The following TESK2 variants were observed in gnomAD, a reference collection of about 807,000 sequenced individuals.
The protein encoded by TESK2 is dual specificity testis-specific protein kinase 2.
Under a neutral mutation model 57.1 loss-of-function variants are expected in TESK2, and 39 were observed. The observed-to-expected ratio is 0.68, with a 90% CI of 0.53 to 0.89. The LOEUF (loss-of-function observed/expected upper bound fraction) is 0.89, where lower values mean the gene tolerates loss of function less well. Among genes scored for constraint, TESK2 ranks in the 40% least tolerant of loss-of-function variants. TESK2 has a pLI of 0.00. For synonymous variants in TESK2, 249 were observed against 267.9 expected (o/e 0.93, Z 0.69); for missense variants, 646 against 732.1 (o/e 0.88, Z 1.36).
intron 1 of TESK2, among the ~76,000 whole-genome samples, chr1:45,475,978 C>T (rs545272553): frequency 6.6e-6 from 1 of 152,318 alleles, no homozygotes; most frequent in African/African-American, 2.4e-5. Context: ...AGCTTCCCTA[C>T]TTTTTGAGGT....
In TESK2 at chr1:45,421,777, T is replaced by C. The variant is rs1282418076; in HGVS notation, c.292A>G (p.Met98Val). The change falls in exon 3 of 11, where the codon ATG (methionine) becomes GTG (valine). Residue 98 changes from methionine (M) to valine (V), a missense_variant. Transcript: ENST00000372086. Reference sequence around the variant, plus strand: ...TTCATGAGCTGTACTTCTTTCAGCATGTTTGCCCGGTTACTGCTCAATGTG... The same window carrying C: ...TTCATGAGCTGTACTTCTTTCAGCACGTTTGCCCGGTTACTGCTCAATGTG... ...MNTLSSNRAN[M>V]LKEVQLMNRL... 21 of 1,614,142 alleles carry C rather than the reference T, an allele frequency of 1.3e-5. No individual in the cohort carries two copies. The Middle Eastern group carries it at 4.9e-4, about 38-fold the overall frequency.
At chr1:45,413,066 G>A (rs1055215653) in intron 3 of TESK2, among the ~76,000 whole-genome samples, 5 of 152,190 alleles carry the variant, frequency 3.3e-5, no homozygotes, top group African/African-American at 1.2e-4. Context: ...GAGTGGAAGT[G>A]AGTGGGGCAT....
intron 4 of TESK2, among the ~76,000 whole-genome samples, chr1:45,374,012 T>C (rs1406721722): frequency 6.6e-6 from 1 of 152,166 alleles, no homozygotes; most frequent in Non-Finnish European, 1.5e-5. Flanking sequence ...CAAAAAGAAC[T>C]CTGTGAATTC....
intron 2 of TESK2, among the ~76,000 whole-genome samples, chr1:45,430,568 T>A (rs186570874): frequency 1.7e-3 from 252 of 152,324 alleles, no homozygotes; most frequent in Non-Finnish European, 2.7e-3. Flanking sequence ...TTGCCTTTGA[T>A]CTCTCTGATC....
chr1:45,484,280 TG>T, intron 1 of TESK2, among the ~76,000 whole-genome samples: 1 of 151,888 alleles, frequency 6.6e-6, no homozygotes, highest in East Asian at 2.0e-4. Context: ...GGCTAATTTT[TG>T]TATTTTTAGT....
At chr1:45,433,332 G>A (rs1651060913) in intron 2 of TESK2, among the ~76,000 whole-genome samples, 2 of 151,896 alleles carry the variant, frequency 1.3e-5, no homozygotes, top group African/African-American at 4.8e-5. Context: ...GCCCTCCTTG[G>A]CCTCCCAAAG....
chr1:45,446,755 T>C (rs1477929328), intron 2 of TESK2, among the ~76,000 whole-genome samples: 1 of 152,186 alleles, frequency 6.6e-6, no homozygotes, highest in Non-Finnish European at 1.5e-5. Context: ...TTGGCAAATA[T>C]ACAAAGTCAA....
intron 3 of TESK2, among the ~76,000 whole-genome samples, chr1:45,391,743 TTC>T (rs1649155328): frequency 6.6e-6 from 1 of 152,106 alleles, no homozygotes; most frequent in Non-Finnish European, 1.5e-5. Flanking sequence ...CATTAATCTC[TTC>T]TCTCTCTCTT....
At position 45,355,414 on chromosome 1, in the gene TESK2, G is replaced by C; in HGVS notation, c.429C>G (p.Asp143Glu). Residue 143 changes from aspartate to glutamate, a missense_variant, in exon 5 of 11, where the codon GAC (aspartate) becomes GAG (glutamate). Physicochemically the swap from Asp to Glu is conservative, Grantham distance 45. Coordinates refer to ENST00000372086, the MANE Select transcript of TESK2 (RefSeq NM_007170.3). ...INSGNLEQLL[D>E]SNLHLPWTVR... The stretch of plus-strand genomic sequence containing the variant: ...CAGTCCAAGGCAAATGCAGGTTACT[G>C]TCTAGCAACTGTTCCAGGTTCCCGG... 4 of 1,612,696 alleles carry C rather than the reference G, an allele frequency of 2.5e-6. No homozygotes were observed. The highest frequency in any genetic ancestry group is 3.4e-6 in the Non-Finnish European group (4 of 1,179,612).
At chr1:45,398,554 T>A (rs1369501659) in intron 3 of TESK2, among the ~76,000 whole-genome samples, 1 of 151,770 alleles carries the variant, frequency 6.6e-6, no homozygotes, top group Non-Finnish European at 1.5e-5. Flanking sequence ...TTCAAAAAAA[T>A]AATAATAAAA....
At chr1:45,440,955 G>C (rs1052509228) in intron 2 of TESK2, among the ~76,000 whole-genome samples, 1 of 152,126 alleles carries the variant, frequency 6.6e-6, no homozygotes, top group Non-Finnish European at 1.5e-5. Flanking sequence ...ACCACATAAA[G>C]TTAGTAGCAG....
In TESK2 at chr1:45,420,545, T is replaced by C. The variant is rs1650428816; in HGVS notation, c.344+1180A>G. 4.0e-5 allele frequency among the ~76,000 whole-genome samples: 6 copies of C among 150,264 alleles called. No homozygotes were observed. The South Asian group carries it at 1.3e-3, about 32-fold the overall frequency. On this transcript the variant is annotated intron_variant, in intron 3 of 10. Transcript: ENST00000372086. ...GTACTGAGATTACAGGCATGAGCCA[T>C]CATGCCTGGCCAAATAAAATTTTTT...
chr1:45,449,972 C>T (rs963165724), intron 2 of TESK2, among the ~76,000 whole-genome samples: 4 of 152,002 alleles, frequency 2.6e-5, no homozygotes, highest in Admixed American at 1.3e-4. Context: ...TGGAATAAAA[C>T]AGAAAATCCA....
At chr1:45,379,083 C>CA (rs1648547248) in intron 4 of TESK2, among the ~76,000 whole-genome samples, 1 of 152,076 alleles carries the variant, frequency 6.6e-6, no homozygotes. Context: ...CTGAAACACA[C>CA]AAAAAAATAA....
At chr1:45,483,450 T>C (rs1653318125) in intron 1 of TESK2, among the ~76,000 whole-genome samples, 1 of 151,202 alleles carries the variant, frequency 6.6e-6, no homozygotes, top group Non-Finnish European at 1.5e-5. Flanking sequence ...ACAAAAAAAT[T>C]AGTTGGGCAT....
intron 4 of TESK2, among the ~76,000 whole-genome samples, chr1:45,365,821 G>A (rs541505864): frequency 1.3e-5 from 2 of 151,378 alleles, no homozygotes; most frequent in African/African-American, 2.4e-5. Flanking sequence ...GATTACAGGC[G>A]TGTGCCACCA....
intron 1 of TESK2, among the ~76,000 whole-genome samples, chr1:45,458,619 T>G (rs1652209999): frequency 6.6e-6 from 1 of 151,960 alleles, no homozygotes; most frequent in South Asian, 2.1e-4. Flanking sequence ...AAGCCTGTGC[T>G]TCTTTCTACC....
At chr1:45,447,895 C>T (rs1054514009) in intron 2 of TESK2, among the ~76,000 whole-genome samples, 1 of 151,956 alleles carries the variant, frequency 6.6e-6, no homozygotes, top group African/African-American at 2.4e-5. Flanking sequence ...TCTGAAATGT[C>T]ATTATGACTG....
At chr1:45,464,296 C>T (rs1398863900) in intron 1 of TESK2, among the ~76,000 whole-genome samples, 1 of 151,968 alleles carries the variant, frequency 6.6e-6, no homozygotes, top group Admixed American at 6.6e-5. Flanking sequence ...CATGGTGGCA[C>T]ACCTGTAGTC....
Sources: allele counts gnomAD v4.1 joint callset (sites outside exome capture counted in the v4.1 genomes callset), GRCh38; gene constraint gnomAD v4.1.1; transcripts MANE v1.5; gene names NCBI Gene and HGNC (gene_info 2026-07-23, HGNC 2026-07-21).